Variants in PTPRT observed in about 807,000 individuals in gnomAD.
PTPRT encodes protein tyrosine phosphatase receptor type T, also known as receptor-type tyrosine-protein phosphatase T.
Under a neutral mutation model 176.8 loss-of-function variants are expected in PTPRT, and 56 were observed. The ratio of observed to expected loss-of-function variants is 0.32; its 90% CI spans 0.26 to 0.40. The LOEUF (loss-of-function observed/expected upper bound fraction) is 0.40. Among genes scored for constraint, PTPRT ranks in the 10% least tolerant of loss-of-function variants. PTPRT has a pLI of 1.00. For synonymous variants in PTPRT, 783 were observed against 739.0 expected, an observed-to-expected ratio of 1.06 and a Z score of -0.96; for missense variants, 1,540 against 1,908.2, an observed-to-expected ratio of 0.81 and a Z score of 3.60.
chr20:42,153,663 T>C (rs1989228053), intron 17 of PTPRT, among the ~76,000 whole-genome samples: 1 of 152,168 alleles, frequency 6.6e-6, no homozygotes, highest in Non-Finnish European at 1.5e-5. Context: ...GCTGTGAGCC[T>C]ACAATTTTGG....
At chr20:42,272,665 ACTAT>A (rs1170244011) in intron 13 of PTPRT, among the ~76,000 whole-genome samples, 2 of 152,072 alleles carry the variant, frequency 1.3e-5, no homozygotes, top group African/African-American at 2.4e-5. Flanking sequence ...CAGGGGCTCC[ACTAT>A]CTAAGGACAA....
intron 3 of PTPRT, among the ~76,000 whole-genome samples, chr20:42,788,841 T>G (rs2077331264): frequency 6.6e-6 from 1 of 152,116 alleles, no homozygotes; most frequent in Non-Finnish European, 1.5e-5. Context: ...ATCCACAAGT[T>G]CCAGGCGTGG....
chr20:42,761,365 C>T (rs770574185), intron 5 of PTPRT, among the ~76,000 whole-genome samples: 6 of 151,448 alleles, frequency 4.0e-5, no homozygotes, highest in Non-Finnish European at 8.8e-5. Flanking sequence ...ACCCGGGAGG[C>T]GGAGGTTGAG....
At chr20:43,073,995 C>G (rs1385484783) in intron 1 of PTPRT, among the ~76,000 whole-genome samples, 1 of 152,124 alleles carries the variant, frequency 6.6e-6, no homozygotes, top group Non-Finnish European at 1.5e-5. Context: ...CTCAAGGGAT[C>G]CTCTCACATC....
At chr20:42,767,429 A>G (rs2076998341) in intron 5 of PTPRT, among the ~76,000 whole-genome samples, 2 of 151,998 alleles carry the variant, frequency 1.3e-5, no homozygotes, top group South Asian at 2.1e-4. Flanking sequence ...CTGAACTTGG[A>G]CTAGAATTAC....
intron 7 of PTPRT, among the ~76,000 whole-genome samples, chr20:42,644,665 G>C (rs913577944): frequency 6.6e-6 from 1 of 152,106 alleles, no homozygotes; most frequent in Admixed American, 6.5e-5. Context: ...CAGCAAAGTG[G>C]TCTTCAGTGT....
In PTPRT at chr20:42,435,724, C is replaced by T. The variant is rs564891641; in HGVS notation, c.1560+12496G>A. On this transcript the variant is annotated intron_variant, in intron 9 of 30. Coordinates refer to ENST00000373187, the MANE Select transcript of PTPRT (RefSeq NM_007050.6). Reference sequence around the variant, plus strand: ...TCAATTACCCACATATTGTTCTATACATTCAAGGCAATTCTAATAAAAACA... The same window carrying T: ...TCAATTACCCACATATTGTTCTATATATTCAAGGCAATTCTAATAAAAACA... 1.3e-4 allele frequency among the ~76,000 whole-genome samples: 20 copies of T among 152,286 alleles called. No homozygotes were observed. The South Asian group carries it at 4.1e-3, about 32-fold the overall frequency.
intron 1 of PTPRT, among the ~76,000 whole-genome samples, chr20:43,099,699 G>T (rs2012313175): frequency 6.6e-6 from 1 of 151,860 alleles, no homozygotes; most frequent in African/African-American, 2.4e-5. Flanking sequence ...CTCCATTCTT[G>T]TGCCTCCAAT....
intron 7 of PTPRT, among the ~76,000 whole-genome samples, chr20:42,624,593 G>GA (rs1478177710): frequency 6.6e-6 from 1 of 152,206 alleles, no homozygotes. Context: ...TGAGGATGGG[G>GA]AAAGAGTCTT....
At chr20:42,977,944 A>T (rs1983044608) in intron 1 of PTPRT, among the ~76,000 whole-genome samples, 1 of 152,192 alleles carries the variant, frequency 6.6e-6, no homozygotes, top group Admixed American at 6.5e-5. Context: ...ACTATGTTCC[A>T]AGATCTCCAG....
chr20:42,541,099 AC>A (rs2072570641), intron 7 of PTPRT, among the ~76,000 whole-genome samples: 1 of 152,214 alleles, frequency 6.6e-6, no homozygotes. Flanking sequence ...GATGATTTAA[AC>A]TATGCGCACA....
intron 1 of PTPRT, among the ~76,000 whole-genome samples, chr20:43,151,984 A>G (rs373077140): frequency 1.3e-5 from 2 of 152,252 alleles, no homozygotes; most frequent in East Asian, 3.8e-4. Context: ...AAAGCCATCT[A>G]TATTTTTGAG....
At chr20:42,426,431 C>A (rs1357259340) in intron 9 of PTPRT, among the ~76,000 whole-genome samples, 1 of 152,138 alleles carries the variant, frequency 6.6e-6, no homozygotes, top group African/African-American at 2.4e-5. Context: ...CCCCTTTCCA[C>A]CTCCCCATCC....
At chr20:42,645,318 C>T (rs2074865749) in intron 7 of PTPRT, among the ~76,000 whole-genome samples, 2 of 152,144 alleles carry the variant, frequency 1.3e-5, no homozygotes, top group African/African-American at 2.4e-5. Flanking sequence ...ACTCCATGAG[C>T]GACCCTCATC....
chr20:42,193,777 T>C (rs985923381), intron 16 of PTPRT, among the ~76,000 whole-genome samples: 5 of 152,206 alleles, frequency 3.3e-5, no homozygotes, highest in Non-Finnish European at 7.3e-5. Flanking sequence ...TCAGAGCGCA[T>C]ATTTTAGATT....
chr20:42,385,842 C>T (rs1331288480), intron 9 of PTPRT, among the ~76,000 whole-genome samples: 2 of 152,154 alleles, frequency 1.3e-5, no homozygotes, highest in African/African-American at 4.8e-5. Flanking sequence ...ATTATCCCCA[C>T]CTGCCCCCCT....
At chr20:42,455,137 T>C (rs1282948916) in intron 8 of PTPRT, among the ~76,000 whole-genome samples, 1 of 152,174 alleles carries the variant, frequency 6.6e-6, no homozygotes, top group Non-Finnish European at 1.5e-5. Context: ...TAAAATACAA[T>C]AAAAATGAAT....
intron 9 of PTPRT, among the ~76,000 whole-genome samples, chr20:42,363,499 G>A (rs1195430836): frequency 3.3e-5 from 5 of 150,702 alleles, no homozygotes; most frequent in Admixed American, 1.3e-4. Context: ...TAGTAGAGAC[G>A]GGGTTTCTCC....
chr20:42,573,159 G>C (rs1209101824), intron 7 of PTPRT, among the ~76,000 whole-genome samples: 2 of 152,158 alleles, frequency 1.3e-5, no homozygotes, highest in Non-Finnish European at 2.9e-5. Flanking sequence ...GGTACAGTGA[G>C]CAGGGTGCCC....
Sources: allele counts gnomAD v4.1 joint callset (sites outside exome capture counted in the v4.1 genomes callset), GRCh38; gene constraint gnomAD v4.1.1; transcripts MANE v1.5; gene names NCBI Gene and HGNC (gene_info 2026-07-23, HGNC 2026-07-21).